The following DIP2C variants were observed in gnomAD, a reference collection of about 807,000 sequenced individuals.
DIP2C encodes the protein disco-interacting protein 2 homolog C.
A neutral mutation model predicts 192.4 loss-of-function variants in DIP2C; 33 were observed. The ratio of observed to expected loss-of-function variants is 0.17; its 90% CI spans 0.13 to 0.23. The LOEUF (loss-of-function observed/expected upper bound fraction) is 0.23, where lower values mean the gene tolerates loss of function less well. Among genes scored for constraint, DIP2C ranks in the 10% least tolerant of loss-of-function variants. The pLI, the probability that DIP2C is intolerant of heterozygous loss-of-function variation, is 1.00. For missense variants in DIP2C, 1,537 were observed against 2,110.1 expected (o/e 0.73, Z 5.32); for synonymous variants, 979 against 864.1 (o/e 1.13, Z -2.33).
intron 20 of DIP2C, 115 bp downstream of exon 20, chr10:364,259 A>AG: frequency 8.1e-7 from 1 of 1,232,930 alleles, no homozygotes; most frequent in Non-Finnish European, 1.1e-6. Context: ...AACATGGAAG[A>AG]GGAAACGGAG....
chr10:422,725 T>C, intron 5 of DIP2C, 99 bp downstream of exon 5: 1 of 1,416,622 alleles, frequency 7.1e-7, no homozygotes, highest in South Asian at 1.3e-5. Context: ...CTGTGCTCTT[T>C]CCACCGAGGG....
intron 19 of DIP2C, among the ~76,000 whole-genome samples, chr10:365,363 T>C (rs956822824): frequency 3.9e-5 from 6 of 152,080 alleles, no homozygotes; most frequent in African/African-American, 1.4e-4. Context: ...TGAGACCCCA[T>C]ATGTACACAA....
At chr10:618,375 G>A (rs1853610838) in intron 1 of DIP2C, among the ~76,000 whole-genome samples, 1 of 152,216 alleles carries the variant, frequency 6.6e-6, no homozygotes, top group African/African-American at 2.4e-5. Flanking sequence ...CCTTCCCACT[G>A]ACATGGCCTC....
intron 1 of DIP2C, among the ~76,000 whole-genome samples, chr10:521,066 CTTTTGGATA>C (rs1846676952): frequency 1.3e-5 from 2 of 152,172 alleles, no homozygotes; most frequent in Admixed American, 1.3e-4. Context: ...AAATCCTGGA[CTTTTGGATA>C]TTTCCACAAA....
intron 3 of DIP2C, among the ~76,000 whole-genome samples, chr10:447,615 A>AT (rs1968372534): frequency 2.1e-5 from 3 of 140,262 alleles, no homozygotes; most frequent in Non-Finnish European, 3.0e-5. Context: ...GGACCCACTC[A>AT]TCCCTGTCTA....
At chr10:280,600 T>C (rs957252884) in intron 36 of DIP2C, among the ~76,000 whole-genome samples, 3 of 152,226 alleles carry the variant, frequency 2.0e-5, no homozygotes, top group Non-Finnish European at 4.4e-5. Context: ...ACCATTGACA[T>C]ACTCAGCACT....
intron 1 of DIP2C, among the ~76,000 whole-genome samples, chr10:600,563 G>T (rs372934813): frequency 7.6e-6 from 1 of 131,750 alleles, no homozygotes; most frequent in Non-Finnish European, 1.6e-5. Flanking sequence ...CAGGGTGTGC[G>T]GATGCTCCCG....
chr10:424,954 G>A (rs193165910), intron 4 of DIP2C, among the ~76,000 whole-genome samples: 2 of 147,520 alleles, frequency 1.4e-5, no homozygotes, highest in African/African-American at 4.9e-5. Context: ...TGACACAGAT[G>A]ATACAGCATG....
chr10:639,450 G>A (rs1036239299), intron 1 of DIP2C, among the ~76,000 whole-genome samples: 2 of 149,504 alleles, frequency 1.3e-5, no homozygotes, highest in East Asian at 3.9e-4. Context: ...AGGTTGGGAG[G>A]GTGCTGCCCG....
chr10:626,127 C>T (rs372615045), intron 1 of DIP2C, among the ~76,000 whole-genome samples: 7 of 152,326 alleles, frequency 4.6e-5, no homozygotes, highest in East Asian at 1.9e-4. Context: ...ACAAAAGAAA[C>T]GCTAACGAGG....
chr10:376,898 C>T (rs946410653), intron 17 of DIP2C, among the ~76,000 whole-genome samples: 5 of 152,106 alleles, frequency 3.3e-5, no homozygotes, highest in African/African-American at 9.7e-5. Context: ...GTACCTTTTT[C>T]GATGTTTAGC....
intron 1 of DIP2C, among the ~76,000 whole-genome samples, chr10:592,140 T>C (rs968019707): frequency 6.6e-6 from 1 of 152,226 alleles, no homozygotes; most frequent in Non-Finnish European, 1.5e-5. Flanking sequence ...TTCTGTATAA[T>C]TGATATTTCT....
At chr10:293,093 C>G (rs563135361) in intron 32 of DIP2C, among the ~76,000 whole-genome samples, 1 of 152,370 alleles carries the variant, frequency 6.6e-6, no homozygotes, top group Admixed American at 6.5e-5. Flanking sequence ...AGCCCCTGAC[C>G]AATGCCCTGG....
intron 1 of DIP2C, among the ~76,000 whole-genome samples, chr10:642,554 C>T (rs1278146773): frequency 1.3e-5 from 2 of 152,262 alleles, no homozygotes; most frequent in Admixed American, 1.3e-4. Context: ...TTGGCCAACA[C>T]AACTAGTGAT....
intron 1 of DIP2C, among the ~76,000 whole-genome samples, chr10:523,835 C>T (rs1846884667): frequency 6.6e-6 from 1 of 152,220 alleles, no homozygotes; most frequent in African/African-American, 2.4e-5. Context: ...TACCAGCACA[C>T]TTGTCGCTTT....
intron 1 of DIP2C, among the ~76,000 whole-genome samples, chr10:589,763 T>TAGAG (rs1367138830): frequency 6.6e-6 from 1 of 151,874 alleles, no homozygotes; most frequent in African/African-American, 2.4e-5. Context: ...GTCAGGAGAG[T>TAGAG]AGAGGCACTG....
At chr10:518,452 G>A (rs1219063227) in intron 1 of DIP2C, among the ~76,000 whole-genome samples, 1 of 152,232 alleles carries the variant, frequency 6.6e-6, no homozygotes, top group Non-Finnish European at 1.5e-5. Flanking sequence ...CGCACAGGTT[G>A]AAATCCTCAC....
chr10:361,943 C>A (rs1161894709), intron 22 of DIP2C, among the ~76,000 whole-genome samples: 1 of 151,464 alleles, frequency 6.6e-6, no homozygotes, highest in East Asian at 1.9e-4. Flanking sequence ...GCGAGAACAA[C>A]AGTGTGGGGG....
At position 297,232 on chromosome 10, in the gene DIP2C, C is replaced by G. The variant is rs868154845; in HGVS notation, c.3987-8811G>C. ...CAAAACAAAACCAACCCCCCCCCAC[C>G]CCACCACATACACACACACACACAC... is the stretch of plus-strand genomic sequence containing the variant. On this transcript the variant is annotated intron_variant, in intron 32 of 36. Coordinates refer to ENST00000280886, the MANE Select transcript of DIP2C (RefSeq NM_014974.3). 1.6e-3 allele frequency among the ~76,000 whole-genome samples: 167 copies of G among 102,530 alleles called. 2 individuals carry two copies. Among genetic ancestry groups the G allele is most frequent in the African/African-American group, 6.7e-3 (156 of 23,216 alleles). 67.3% of individuals were successfully genotyped at this position (102,530 alleles called of 152,430 possible).
Sources: allele counts gnomAD v4.1 joint callset (sites outside exome capture counted in the v4.1 genomes callset), GRCh38; gene constraint gnomAD v4.1.1; transcripts MANE v1.5; gene names NCBI Gene and HGNC (gene_info 2026-07-23, HGNC 2026-07-21).